HIBCH: variants seen among roughly 807,000 people sequenced by gnomAD.
The protein encoded by HIBCH is 3-hydroxyisobutyryl-CoA hydrolase, mitochondrial.
Under a neutral mutation model 58.2 loss-of-function variants are expected in HIBCH, and 50 were observed. The observed-to-expected ratio is 0.86, with a 90% CI of 0.68 to 1.09. The LOEUF (loss-of-function observed/expected upper bound fraction) is 1.09, where lower values mean the gene tolerates loss of function less well. Among genes scored for constraint, HIBCH ranks in the 50% least tolerant of loss-of-function variants. The pLI is 0.00. For synonymous variants in HIBCH, 151 were observed against 146.9 expected (o/e 1.03, Z -0.20); for missense variants, 450 against 449.7 (o/e 1.00, Z -0.01).
chr2:190,253,044 C>G (rs923536659), intron 7 of HIBCH, among the ~76,000 whole-genome samples: 2 of 152,072 alleles, frequency 1.3e-5, no homozygotes, highest in Non-Finnish European at 2.9e-5. Context: ...CAAAAATCAG[C>G]CGGGCATGGT....
chr2:190,253,913 G>A (rs759626398), intron 7 of HIBCH, among the ~76,000 whole-genome samples: 13 of 151,910 alleles, frequency 8.6e-5, no homozygotes, highest in African/African-American at 2.2e-4. Flanking sequence ...CTGACAACAC[G>A]TTCTTCTCTT....
At position 190,252,185 on chromosome 2, in the gene HIBCH, T is replaced by A; in HGVS notation, c.640A>T (p.Thr214Ser). Residue 214 changes from threonine to serine, a missense_variant, in exon 8 of 14, where the codon ACA becomes TCA. Transcript: ENST00000359678. ...ACCTTTTCAGAATCTACAAAGTGTG[T>A]AGCAATTCCTGCTCTGTACACATCT... ...GRDVYRAGIATHFVDSEKLAM... is the reference protein window; with the variant it reads ...GRDVYRAGIASHFVDSEKLAM... 1 of 1,613,944 alleles carries A rather than the reference T, an allele frequency of 6.2e-7. No homozygotes were observed. The highest frequency in any genetic ancestry group is 8.5e-7 in the Non-Finnish European group (1 of 1,179,836).
At chr2:190,276,064 T>C (rs1236348840) in intron 6 of HIBCH, among the ~76,000 whole-genome samples, 6 of 152,180 alleles carry the variant, frequency 3.9e-5, no homozygotes, top group African/African-American at 9.7e-5. Flanking sequence ...ATCCTGAAGA[T>C]AAAGCACAAC....
Position 190,190,421 on chromosome 2 carries a change from T to C in HIBCH, c.*18-424A>G, listed in dbSNP as rs191385811. Among the ~76,000 whole-genome samples the C allele has an allele frequency of 1.6e-3, 241 of 152,376 alleles. 2 individuals carry two copies. Among genetic ancestry groups the C allele is most frequent in the Non-Finnish European group, 2.7e-3 (185 of 68,036 alleles). On this transcript the variant is annotated intron_variant, in intron 1 of 1. Coordinates refer to the HIBCH transcript ENST00000399855. ...GTCAAGTTATATTCCATTTTGAGGA[T>C]ATCCCTAATTTGTTTATCCATTTGA...
chr2:190,313,719 A>G (rs906605153), intron 1 of HIBCH, among the ~76,000 whole-genome samples: 12 of 151,868 alleles, frequency 7.9e-5, no homozygotes, highest in African/African-American at 2.9e-4. Flanking sequence ...CCCAAGACCA[A>G]TTAAATCAAA....
chr2:190,297,782 G>C lies in HIBCH; in HGVS notation c.79-829C>G, dbSNP rs1360629998. On this transcript the variant is annotated intron_variant, in intron 2 of 13. Coordinates refer to ENST00000359678, the MANE Select transcript of HIBCH (RefSeq NM_014362.4). ...TTCTAAGTTCTGGGATACATGTGCT[G>C]AATGTGCAGGTTTGTTACATAGGTA... Among the ~76,000 whole-genome samples, 3 of 152,282 alleles carry C rather than the reference G, an allele frequency of 2.0e-5. No homozygotes were observed. In the East Asian group the frequency reaches 5.8e-4, roughly 29 times the overall value.
intron 1 of HIBCH, 103 bp from the exon 2 acceptor site, chr2:190,310,899 T>C: frequency 1.3e-6 from 1 of 783,828 alleles, no homozygotes. Context: ...TAAAAGGTAT[T>C]ACCAGAACAA....
chr2:190,293,776 T>C (rs985535449), intron 4 of HIBCH, among the ~76,000 whole-genome samples: 2 of 151,584 alleles, frequency 1.3e-5, no homozygotes, highest in Non-Finnish European at 2.9e-5. Flanking sequence ...AGAAACAAGA[T>C]ACAAAATGTA....
chr2:190,197,760 T>C lies in HIBCH; in HGVS notation c.*17+7340A>G, dbSNP rs1690048637. ...CATATATTTTGTCTGGTTTTAAAACTGGTTTTGGCAAATGCACAAATCTGG... is the reference window on the plus strand; with the variant it reads ...CATATATTTTGTCTGGTTTTAAAACCGGTTTTGGCAAATGCACAAATCTGG... On this transcript the variant is annotated intron_variant, in intron 1 of 1. Coordinates refer to the HIBCH transcript ENST00000399855. This position sits in a 1 kb window ranked among gnomAD's most constrained non-coding sequence, Gnocchi z 4.0. 6.6e-6 allele frequency among the ~76,000 whole-genome samples: 1 copy of C among 152,252 alleles called. No individual in the cohort carries two copies. Among genetic ancestry groups the C allele is most frequent in the South Asian group, 2.1e-4 (1 of 4,836 alleles).
chr2:190,259,319 A>ATGTGTGTGTGTGTGTGTG (rs370172555), intron 7 of HIBCH, among the ~76,000 whole-genome samples: 1,299 of 122,134 alleles, frequency 0.011, 36 homozygotes, highest in East Asian at 0.015. Context: ...CAGTATACAG[A>ATGTGTGTGTGTGTGTGTG]TGTGTGTGTG....
intron 1 of HIBCH, among the ~76,000 whole-genome samples, chr2:190,311,400 T>G (rs1688554754): frequency 6.6e-6 from 1 of 152,212 alleles, no homozygotes; most frequent in Non-Finnish European, 1.5e-5. Context: ...TGCTCAAATT[T>G]GCAGGTCATT....
At position 190,209,030 on chromosome 2, in the gene HIBCH, ACATT is replaced by A. The variant is rs893062670; in HGVS notation, c.1012-121_1012-118del. ...TCCCATGGCCACAACCTGAACCATG[ACATT>A]CAGAGACTGAACCACCTCTGATAGC... On this transcript the variant is annotated intron_variant, in intron 12 of 13. Transcript: ENST00000359678. The surrounding 1 kb of genome is among the most constrained non-coding windows in gnomAD (Gnocchi z 5.6). 3.2e-4 allele frequency: 273 copies of A among 846,760 alleles called. No individual in the cohort carries two copies. Among genetic ancestry groups the A allele is most frequent in the Non-Finnish European group, 4.7e-4 (239 of 512,444 alleles). 52.5% of individuals were successfully genotyped at this position (846,760 alleles called of 1,614,324 possible).
chr2:190,307,745 G>T (rs1489647152), intron 2 of HIBCH, among the ~76,000 whole-genome samples: 1 of 152,200 alleles, frequency 6.6e-6, no homozygotes, highest in Non-Finnish European at 1.5e-5. Context: ...TATTTTCATA[G>T]TAAGAATATG....
At chr2:190,311,367 CCTT>C (rs1351361723) in intron 1 of HIBCH, among the ~76,000 whole-genome samples, 3 of 152,112 alleles carry the variant, frequency 2.0e-5, no homozygotes, top group African/African-American at 7.2e-5. Context: ...TGATACATGT[CCTT>C]ATTATTTGTC....
At chr2:190,258,668 G>A (rs1313535507) in intron 7 of HIBCH, among the ~76,000 whole-genome samples, 1 of 152,154 alleles carries the variant, frequency 6.6e-6, no homozygotes, top group East Asian at 1.9e-4. Context: ...CTGAGCTTTT[G>A]GCGTCAAAGC....
intron 9 of HIBCH, among the ~76,000 whole-genome samples, chr2:190,249,238 T>C (rs1341149468): frequency 6.6e-6 from 1 of 152,156 alleles, no homozygotes; most frequent in East Asian, 1.9e-4. Flanking sequence ...TATAAGAAAA[T>C]TCAAGTCAGA....
At chr2:190,295,413 A>C (rs966801064) in intron 3 of HIBCH, among the ~76,000 whole-genome samples, 3 of 152,170 alleles carry the variant, frequency 2.0e-5, no homozygotes, top group African/African-American at 7.2e-5. Context: ...AAAGTAATTA[A>C]TTTTTCCCAT....
At chr2:190,193,676 G>A (rs1689824923) in intron 1 of HIBCH, among the ~76,000 whole-genome samples, 1 of 152,034 alleles carries the variant, frequency 6.6e-6, no homozygotes, top group Non-Finnish European at 1.5e-5. Flanking sequence ...GTATATAGAT[G>A]TCATAATGCC....
chr2:190,296,367 C>G (rs1050981771), intron 3 of HIBCH, among the ~76,000 whole-genome samples: 1 of 151,382 alleles, frequency 6.6e-6, no homozygotes, highest in Admixed American at 6.6e-5. Flanking sequence ...TTGCAGTGAG[C>G]CGAGATGGTG....
Sources: gnomAD v4.1 joint callset for allele counts (sites outside exome capture counted in the v4.1 genomes callset) on GRCh38, gnomAD v4.1.1 for gene constraint, Gnocchi (gnomAD v3.1) non-coding constraint, MANE v1.5 for transcripts, NCBI Gene and HGNC (gene_info 2026-07-23, HGNC 2026-07-21) for gene names.